Variants in C1orf159 observed in about 807,000 individuals in gnomAD.
The protein encoded by C1orf159 is chromosome 1 open reading frame 159, also known as uncharacterized protein C1orf159.
A neutral mutation model predicts 25.6 loss-of-function variants in C1orf159; 19 were observed. The ratio of observed to expected loss-of-function variants is 0.74; its 90% CI spans 0.52 to 1.09. The LOEUF is 1.09. Among genes scored for constraint, C1orf159 ranks in the 50% least tolerant of loss-of-function variants. The pLI, the probability that C1orf159 is intolerant of heterozygous loss-of-function variation, is 0.00. For missense variants in C1orf159, 274 were observed against 290.6 expected (o/e 0.94, Z 0.42); for synonymous variants, 139 against 124.7 (o/e 1.12, Z -0.77).
chr1:1,107,321 C>T (rs1351056175), intron 1 of C1orf159, among the ~76,000 whole-genome samples: 1 of 152,292 alleles, frequency 6.6e-6, no homozygotes, highest in Non-Finnish European at 1.5e-5. Flanking sequence ...TGTGGATGCA[C>T]CAATCAGCAC....
In C1orf159 at chr1:1,087,475, G is replaced by A. The variant is rs763762230; in HGVS notation, c.244+27C>T. 5 of 1,530,496 alleles carry A rather than the reference G, an allele frequency of 3.3e-6. No individual in the cohort carries two copies. The highest frequency in any genetic ancestry group is 4.4e-6 in the Non-Finnish European group (5 of 1,131,126). 94.8% of individuals were successfully genotyped at this position (1,530,496 alleles called of 1,614,324 possible). A position where few individuals can be genotyped will look rare whatever the true frequency, so the allele number is the denominator to read the frequency against. On this transcript the variant is annotated intron_variant, in intron 5 of 9. Transcript: ENST00000421241. This position sits in a 1 kb window ranked among gnomAD's most constrained non-coding sequence, Gnocchi z 8.3. ...TCCCACAGCTGGAGCTGTGAGAAGGGAGCCGGGGGGAGCCGGGCAGACCTA... is the reference window on the plus strand; with the variant it reads ...TCCCACAGCTGGAGCTGTGAGAAGGAAGCCGGGGGGAGCCGGGCAGACCTA...
chr1:1,098,978 A>G lies in C1orf159; in HGVS notation c.-135-6875T>C, dbSNP rs78084189. On this transcript the variant is annotated intron_variant, in intron 1 of 9. Coordinates refer to ENST00000421241, the MANE Select transcript of C1orf159 (RefSeq NM_017891.5). ...GATGATACTGTTACTCAGATCCCCCATGTCTTCACTGATGTGTTTGGTTTA... is the reference window on the plus strand; with the variant it reads ...GATGATACTGTTACTCAGATCCCCCGTGTCTTCACTGATGTGTTTGGTTTA... Among the ~76,000 whole-genome samples, 52 of 130,788 alleles carry G rather than the reference A, an allele frequency of 4.0e-4. No homozygotes were observed. In the East Asian group the frequency reaches 0.011, roughly 27 times the overall value. 85.8% of individuals were successfully genotyped at this position (130,788 alleles called of 152,430 possible).
intron 7 of C1orf159, 25 bp downstream of exon 7, chr1:1,085,853 G>C: frequency 6.2e-7 from 1 of 1,612,008 alleles, no homozygotes; most frequent in Admixed American, 1.7e-5. Flanking sequence ...CCCTCCCGTG[G>C]GGCAGGTGCT....
At position 1,091,710 on chromosome 1, in the gene C1orf159, G is replaced by C. The variant is rs1337141510; in HGVS notation, c.-22-145C>G. ...GCAGAGCCAAATGGAGATGGGTGGG[G>C]CTGTGGTGGAGGGTGGGGCCAAATG... On this transcript the variant is annotated intron_variant, in intron 2 of 9. Transcript: ENST00000421241. 5.0e-6 allele frequency: 3 copies of C among 595,278 alleles called. No individual in the cohort carries two copies. The East Asian group carries it at 9.1e-5, about 18-fold the overall frequency. 36.9% of individuals were successfully genotyped at this position (595,278 alleles called of 1,614,324 possible). A position where few individuals can be genotyped will look rare whatever the true frequency, so the allele number is the denominator to read the frequency against.
In C1orf159 at chr1:1,091,554, G is replaced by C; in HGVS notation, c.-11C>G. ...GTGCCGCAGCGCCATGCCAGGAGCAGATGCGCAGAGCCTGCCACAGGGAGG... is the reference window on the plus strand; with the variant it reads ...GTGCCGCAGCGCCATGCCAGGAGCACATGCGCAGAGCCTGCCACAGGGAGG... On this transcript the variant is annotated 5_prime_UTR_variant, in exon 3 of 10. It adds an upstream start codon to the 5' untranslated region. Coordinates refer to ENST00000421241, the MANE Select transcript of C1orf159 (RefSeq NM_017891.5). The C allele has an allele frequency of 1.3e-6, 2 of 1,547,114 alleles. No homozygotes were observed. Among genetic ancestry groups the C allele is most frequent in the East Asian group, 2.4e-5 (1 of 40,820 alleles).
At position 1,114,543 on chromosome 1, in the gene C1orf159, C is replaced by T. The variant is rs150873045; in HGVS notation, c.-136+1517G>A. Among the ~76,000 whole-genome samples, 496 of 152,180 alleles carry T rather than the reference C, an allele frequency of 3.3e-3. 3 individuals carry two copies. The highest frequency in any genetic ancestry group is 0.011 in the African/African-American group (474 of 41,532). On this transcript the variant is annotated intron_variant, in intron 1 of 9. Transcript: ENST00000421241. Reference sequence around the variant, plus strand: ...GGTTCCCGGGATGCTGCCTGTGCACCCCAGGGCTGAGGTGACTGCGTGTGG... The same window carrying T: ...GGTTCCCGGGATGCTGCCTGTGCACTCCAGGGCTGAGGTGACTGCGTGTGG...
Position 1,089,451 on chromosome 1 carries a change from C to T in C1orf159, c.148+902G>A, listed in dbSNP as rs897347299. Among the ~76,000 whole-genome samples, 4 of 152,136 alleles carry T rather than the reference C, an allele frequency of 2.6e-5. No homozygotes were observed. The highest frequency in any genetic ancestry group is 9.7e-5 in the African/African-American group (4 of 41,424). On this transcript the variant is annotated intron_variant, in intron 4 of 9. Transcript: ENST00000421241. The surrounding 1 kb of genome is among the most constrained non-coding windows in gnomAD (Gnocchi z 7.5). ...GCTTCCTCCCAGCCCCTCTGTTCTC[C>T]CTCAGAGCGGTGCCCTCCTCCTCCT...
At chr1:1,111,512 C>T (rs1394043764) in intron 1 of C1orf159, among the ~76,000 whole-genome samples, 3 of 152,028 alleles carry the variant, frequency 2.0e-5, no homozygotes, top group South Asian at 2.1e-4. Flanking sequence ...TCTACCTGGG[C>T]GACAGAGCCA....
In C1orf159 at chr1:1,087,730, G is replaced by A; in HGVS notation, c.149-133C>T. On this transcript the variant is annotated intron_variant, in intron 4 of 9. Transcript: ENST00000421241. The surrounding 1 kb of genome is among the most constrained non-coding windows in gnomAD (Gnocchi z 8.3). The stretch of plus-strand genomic sequence containing the variant: ...TACTAACATGCTCTGGAGGGTAGGT[G>A]GGCGGCAGACAAGGACACCCCCAGG... 1.4e-6 allele frequency: 1 copy of A among 718,896 alleles called. No individual in the cohort carries two copies. 44.5% of individuals were successfully genotyped at this position (718,896 alleles called of 1,614,324 possible). A position where few individuals can be genotyped will look rare whatever the true frequency, so the allele number is the denominator to read the frequency against.
intron 1 of C1orf159, among the ~76,000 whole-genome samples, chr1:1,108,097 C>G (rs1646201035): frequency 1.3e-5 from 2 of 151,872 alleles, no homozygotes; most frequent in South Asian, 4.2e-4. Flanking sequence ...CCATTCACCA[C>G]AGCCCCATGT....
chr1:1,094,377 A>G (rs932413226), intron 1 of C1orf159, among the ~76,000 whole-genome samples: 2 of 151,160 alleles, frequency 1.3e-5, no homozygotes, highest in African/African-American at 4.9e-5. Flanking sequence ...TGTATTGCAA[A>G]TATTTTCTTC....
At chr1:1,086,056 T>C (rs1570302245) in intron 6 of C1orf159, 44 bp from the exon 7 acceptor site, 8 of 1,604,624 alleles carry the variant, frequency 5.0e-6, no homozygotes, top group Non-Finnish European at 6.0e-6. Context: ...ACGGTGGCCC[T>C]GGCTCCTCGC....
intron 6 of C1orf159, 111 bp from the exon 7 acceptor site, chr1:1,086,123 G>T: frequency 1.5e-6 from 2 of 1,338,366 alleles, no homozygotes; most frequent in Non-Finnish European, 2.0e-6. Flanking sequence ...ACATGCCTGA[G>T]CCTCACGGGA....
In C1orf159 at chr1:1,084,518, A is replaced by T. The variant is rs1645798246; in HGVS notation, c.446-12T>A. The T allele has an allele frequency of 5.8e-6, 9 of 1,551,880 alleles. No homozygotes were observed. Among genetic ancestry groups the T allele is most frequent in the Non-Finnish European group, 7.8e-6 (9 of 1,148,028 alleles). On this transcript the variant is annotated splice_polypyrimidine_tract_variant and intron_variant, in intron 7 of 9. Transcript: ENST00000421241. ...CTGCAGGGCCGGAGCTGTGGGGGAG[A>T]AAGCGGAGAGTCACCCTGGAGCCCA...
Position 1,087,612 on chromosome 1 carries a change from G to A in C1orf159, c.149-15C>T, listed in dbSNP as rs775323339. 2 of 1,526,830 alleles carry A rather than the reference G, an allele frequency of 1.3e-6. No homozygotes were observed. The highest frequency in any genetic ancestry group is 2.1e-5 in the Admixed American group (1 of 48,738). 94.6% of individuals were successfully genotyped at this position (1,526,830 alleles called of 1,614,324 possible). On this transcript the variant is annotated splice_polypyrimidine_tract_variant and intron_variant, in intron 4 of 9. Transcript: ENST00000421241. This position sits in a 1 kb window ranked among gnomAD's most constrained non-coding sequence, Gnocchi z 8.3. Reference sequence around the variant, plus strand: ...CCTGTAACAGCCTGCGTGGGGCAGAGGACGGGCATGTCAGCCAAAGCAAAA... The same window carrying A: ...CCTGTAACAGCCTGCGTGGGGCAGAAGACGGGCATGTCAGCCAAAGCAAAA...
chr1:1,100,680 C>T (rs1281671782), intron 1 of C1orf159, among the ~76,000 whole-genome samples: 1 of 152,032 alleles, frequency 6.6e-6, no homozygotes, highest in African/African-American at 2.4e-5. Flanking sequence ...TCTTTCTGGC[C>T]CTCTTTTGCG....
intron 1 of C1orf159, among the ~76,000 whole-genome samples, chr1:1,108,594 G>A (rs1282244538): frequency 7.7e-6 from 1 of 129,850 alleles, no homozygotes; most frequent in Non-Finnish European, 1.6e-5. Flanking sequence ...CAGCCACCAT[G>A]TCTCGGCACC....
In C1orf159 at chr1:1,110,264, T is replaced by C. The variant is rs553092352; in HGVS notation, c.-136+5796A>G. 6.1e-4 allele frequency among the ~76,000 whole-genome samples: 93 copies of C among 152,282 alleles called. No individual in the cohort carries two copies. The highest frequency in any genetic ancestry group is 2.2e-3 in the African/African-American group (90 of 41,556). On this transcript the variant is annotated intron_variant, in intron 1 of 9. Transcript: ENST00000421241. The surrounding 1 kb of genome is among the most constrained non-coding windows in gnomAD (Gnocchi z 4.8). Reference sequence around the variant, plus strand: ...CTCCCATCCTTTTATGGCCGGAAACTCAATTTTTAAGGTTTCTCTGGGGTC... The same window carrying C: ...CTCCCATCCTTTTATGGCCGGAAACCCAATTTTTAAGGTTTCTCTGGGGTC...
intron 9 of C1orf159, chr1:1,083,536 C>T (rs929484290): frequency 2.5e-5 from 6 of 244,440 alleles, no homozygotes; most frequent in African/African-American, 4.6e-5. Context: ...ATGCCTGAGC[C>T]GGCAGGGGCT....
Sources: gnomAD v4.1 joint callset for allele counts (sites outside exome capture counted in the v4.1 genomes callset) on GRCh38, gnomAD v4.1.1 for gene constraint, Gnocchi (gnomAD v3.1) non-coding constraint, MANE v1.5 for transcripts, NCBI Gene and HGNC (gene_info 2026-07-23, HGNC 2026-07-21) for gene names.